Variants in DHRSX observed in about 807,000 individuals in gnomAD.
DHRSX encodes polyprenol dehydrogenase.
DHRSX carries 31 observed loss-of-function variants against 34.0 expected under a neutral mutation model. That is an observed-to-expected ratio of 0.91 (90% CI 0.69 to 1.23). The LOEUF (loss-of-function observed/expected upper bound fraction) is 1.23. Ranked by LOEUF, DHRSX falls within the 50% of genes most tolerant of loss-of-function variation. The pLI, the probability that DHRSX is intolerant of heterozygous loss-of-function variation, is 0.00. For synonymous variants in DHRSX, 201 were observed against 183.8 expected (o/e 1.09, Z -0.76); for missense variants, 414 against 428.1 (o/e 0.97, Z 0.29).
intron 2 of DHRSX, among the ~76,000 whole-genome samples, chrX:2,411,353 A>G (rs566954550): frequency 1.7e-4 from 26 of 152,162 alleles, no homozygotes; most frequent in African/African-American, 5.8e-4. Context: ...GTTCAAGACC[A>G]GCCTGGCCAA....
chrX:2,342,365 C>T, intron 3 of DHRSX, among the ~76,000 whole-genome samples: 1 of 152,168 alleles, frequency 6.6e-6, no homozygotes, highest in Admixed American at 6.6e-5. Context: ...CTCTGAGTCA[C>T]ATGTATCGGG....
At chrX:2,457,908 C>T (rs1297094249) in intron 1 of DHRSX, among the ~76,000 whole-genome samples, 2 of 151,632 alleles carry the variant, frequency 1.3e-5, no homozygotes, top group Non-Finnish European at 2.9e-5. Flanking sequence ...GAATATGTTC[C>T]GTAAGCATGT....
At chrX:2,232,644 C>T in intron 6 of DHRSX, among the ~76,000 whole-genome samples, 1 of 152,060 alleles carries the variant, frequency 6.6e-6, no homozygotes, top group South Asian at 2.1e-4. Flanking sequence ...ATGATCTTGG[C>T]TCACTGCAAC....
At chrX:2,253,244 G>C (rs757863163) in intron 5 of DHRSX, among the ~76,000 whole-genome samples, 243 of 149,378 alleles carry the variant, frequency 1.6e-3, no homozygotes, top group African/African-American at 5.7e-3. Context: ...ATGGCGCCAC[G>C]GCACTCCAGC....
intron 3 of DHRSX, among the ~76,000 whole-genome samples, chrX:2,371,176 G>A (rs1340803615): frequency 2.1e-5 from 3 of 145,256 alleles, no homozygotes; most frequent in African/African-American, 7.7e-5. Flanking sequence ...CCCTCCTTCC[G>A]TTACCATAGA....
intron 3 of DHRSX, chrX:2,392,430 T>A (rs1437807696): frequency 3.3e-6 from 1 of 300,884 alleles, no homozygotes; most frequent in African/African-American, 2.2e-5. Flanking sequence ...TCGCTTGAGT[T>A]CCAGAGGCAA....
At chrX:2,460,111 A>G (rs1437962265) in intron 1 of DHRSX, among the ~76,000 whole-genome samples, 1 of 151,964 alleles carries the variant, frequency 6.6e-6, no homozygotes, top group South Asian at 2.1e-4. Flanking sequence ...TCCTTCTCAA[A>G]CAAACAAACA....
rs1201227656 is a variant in DHRSX, at chrX:2,310,413, C to T, written c.287-18810G>A. ...AGGTGAAATACCAGTATCTCTTAGT[C>T]GTTATGCAGGTATGGAGCGCCTCTC... is the stretch of plus-strand genomic sequence containing the variant. On this transcript the variant is annotated intron_variant, in intron 3 of 6. Transcript: ENST00000334651. Among the ~76,000 whole-genome samples the T allele has an allele frequency of 4.6e-5, 7 of 152,016 alleles. No individual in the cohort carries two copies. In the East Asian group the frequency reaches 7.7e-4, roughly 17 times the overall value.
intron 1 of DHRSX, among the ~76,000 whole-genome samples, chrX:2,496,912 A>C (rs2045300216): frequency 6.7e-6 from 1 of 149,630 alleles, no homozygotes. Flanking sequence ...AAATATAAAA[A>C]CAATAAATAT....
At chrX:2,438,686 A>AAC (rs2044027345) in intron 1 of DHRSX, among the ~76,000 whole-genome samples, 1 of 149,186 alleles carries the variant, frequency 6.7e-6, no homozygotes, top group Non-Finnish European at 1.5e-5. Flanking sequence ...AAAAAAAAAA[A>AAC]TGGTCGTTCA....
intron 3 of DHRSX, among the ~76,000 whole-genome samples, chrX:2,336,959 G>A (rs1168114882): frequency 3.3e-5 from 5 of 151,988 alleles, no homozygotes; most frequent in African/African-American, 1.2e-4. Flanking sequence ...CCATCAACCC[G>A]TCATCTAGGT....
In DHRSX at chrX:2,430,612, T is replaced by G. The variant is rs184313858; in HGVS notation, c.110-5308A>C. Reference sequence around the variant, plus strand: ...GGTGTGAGGCACCTACACCATCACCTGCAAGCCTTCCTCCACTCTTCTGCC... The same window carrying G: ...GGTGTGAGGCACCTACACCATCACCGGCAAGCCTTCCTCCACTCTTCTGCC... On this transcript the variant is annotated intron_variant, in intron 1 of 6. Transcript: ENST00000334651. Among the ~76,000 whole-genome samples the G allele has an allele frequency of 4.7e-4, 72 of 152,266 alleles. 1 individual carries two copies. The highest frequency in any genetic ancestry group is 1.7e-3 in the African/African-American group (71 of 41,544).
rs2041912523 is a variant in DHRSX at position 2,294,806 on chromosome X, AGG to A, written c.287-3205_287-3204del. On this transcript the variant is annotated intron_variant, in intron 3 of 6. Coordinates refer to ENST00000334651, the MANE Select transcript of DHRSX (RefSeq NM_145177.3). ...AGGAAAAAGAGAGGGAGAGAGAGAG[AGG>A]AAAAAGAGAGGGAGAGAGAGAGGGA... Among the ~76,000 whole-genome samples, 6 of 120,138 alleles carry A rather than the reference AGG, an allele frequency of 5.0e-5. No individual in the cohort carries two copies. The South Asian group carries it at 1.1e-3, about 22-fold the overall frequency. The allele number at this position is 120,138 out of a possible 152,430, so 78.8% of individuals were successfully genotyped here. A position where few individuals can be genotyped will look rare whatever the true frequency, so the allele number is the denominator to read the frequency against.
At chrX:2,476,820 A>G (rs1232114774) in intron 1 of DHRSX, among the ~76,000 whole-genome samples, 3 of 152,118 alleles carry the variant, frequency 2.0e-5, no homozygotes, top group African/African-American at 7.2e-5. Flanking sequence ...CCTGGCCAAC[A>G]TGGAAAAACC....
intron 5 of DHRSX, among the ~76,000 whole-genome samples, chrX:2,263,342 C>T (rs2041389402): frequency 6.6e-6 from 1 of 152,060 alleles, no homozygotes; most frequent in African/African-American, 2.4e-5. Context: ...CAGAGAGCTC[C>T]CTTGCCCCTT....
At chrX:2,498,334 T>C (rs1422614432) in intron 1 of DHRSX, among the ~76,000 whole-genome samples, 1 of 152,198 alleles carries the variant, frequency 6.6e-6, no homozygotes, top group Non-Finnish European at 1.5e-5. Context: ...AAGTTCAATG[T>C]TTCCTCACCA....
At chrX:2,297,755 TTTTTGAG>T (rs1457683141) in intron 3 of DHRSX, among the ~76,000 whole-genome samples, 1 of 103,908 alleles carries the variant, frequency 9.6e-6, no homozygotes, top group Admixed American at 1.1e-4. Flanking sequence ...TTGTTTTGTC[TTTTTGAG>T]TTTTTTTTTT....
At chrX:2,318,188 T>C (rs1395008987) in intron 3 of DHRSX, among the ~76,000 whole-genome samples, 1 of 42,568 alleles carries the variant, frequency 2.3e-5, no homozygotes, top group Non-Finnish European at 5.1e-5. Flanking sequence ...CTACCAAAAA[T>C]ACAGAAAAAA....
chrX:2,327,590 TC>T (rs1392155911), intron 3 of DHRSX, among the ~76,000 whole-genome samples: 4 of 149,952 alleles, frequency 2.7e-5, no homozygotes, highest in African/African-American at 1.0e-4. Flanking sequence ...AAAGCCATTG[TC>T]AGCACAAAGT....
Sources: gnomAD v4.1 joint callset for allele counts (sites outside exome capture counted in the v4.1 genomes callset) on GRCh38, gnomAD v4.1.1 for gene constraint, MANE v1.5 for transcripts, NCBI Gene and HGNC (gene_info 2026-07-23, HGNC 2026-07-21) for gene names.